The following SCML4 variants were observed in gnomAD, a reference collection of about 807,000 sequenced individuals.
SCML4 encodes the protein sex comb on midleg-like protein 4.
A neutral mutation model predicts 41.1 loss-of-function variants in SCML4; 34 were observed. The observed-to-expected ratio is 0.83, with a 90% CI of 0.63 to 1.10. The LOEUF is 1.10. SCML4 is among the 50% of genes least tolerant of loss of function. The pLI, the probability that SCML4 is intolerant of heterozygous loss-of-function variation, is 0.00. For missense variants in SCML4, 522 were observed against 534.1 expected (o/e 0.98, Z 0.22); for synonymous variants, 214 against 220.9 (o/e 0.97, Z 0.28).
intron 7 of SCML4, among the ~76,000 whole-genome samples, chr6:107,707,449 C>G (rs1166248607): frequency 6.6e-6 from 1 of 152,154 alleles, no homozygotes; most frequent in African/African-American, 2.4e-5. Flanking sequence ...GAAGGCTATC[C>G]GAGTCAGGAA....
intron 1 of SCML4, among the ~76,000 whole-genome samples, chr6:107,804,636 AGC>A (rs1783583852): frequency 3.6e-4 from 1 of 2,782 alleles, no homozygotes; most frequent in African/African-American, 4.0e-4. Context: ...TTCTCCTAGC[AGC>A]AGAGAATATT....
chr6:107,715,555 T>C (rs540862644), intron 6 of SCML4, among the ~76,000 whole-genome samples: 78 of 152,232 alleles, frequency 5.1e-4, no homozygotes, highest in African/African-American at 1.8e-3. Context: ...GCTTTTGTTA[T>C]CCAAAACCTC....
At chr6:107,772,460 T>C (rs1780600970) in intron 1 of SCML4, 74 bp from the exon 2 acceptor site, 2 of 840,870 alleles carry the variant, frequency 2.4e-6, no homozygotes, top group Admixed American at 6.4e-5. Flanking sequence ...AACATGATCC[T>C]GTCTGGTGAT....
intron 6 of SCML4, chr6:107,719,789 C>G (rs1214191175): frequency 1.7e-6 from 1 of 591,702 alleles, no homozygotes; most frequent in Non-Finnish European, 2.1e-6. Flanking sequence ...TTAAGACTTG[C>G]AAAAGGTAGG....
At chr6:107,797,110 C>T (rs541193050) in intron 1 of SCML4, among the ~76,000 whole-genome samples, 2 of 152,158 alleles carry the variant, frequency 1.3e-5, no homozygotes, top group Non-Finnish European at 2.9e-5. Context: ...TATAAATTCT[C>T]CAACTTTATT....
intron 2 of SCML4, among the ~76,000 whole-genome samples, chr6:107,758,004 T>C (rs187590008): frequency 1.3e-5 from 2 of 152,202 alleles, no homozygotes; most frequent in Admixed American, 6.5e-5. Context: ...GTGTTGCTTA[T>C]GTAATACCTA....
intron 1 of SCML4, among the ~76,000 whole-genome samples, chr6:107,791,243 C>T (rs1026831608): frequency 6.6e-6 from 1 of 152,112 alleles, no homozygotes; most frequent in African/African-American, 2.4e-5. Flanking sequence ...CAAAATGCCT[C>T]AGGACTATTT....
intron 6 of SCML4, among the ~76,000 whole-genome samples, chr6:107,708,430 C>T (rs558616578): frequency 2.6e-5 from 4 of 152,286 alleles, no homozygotes; most frequent in East Asian, 1.9e-4. Flanking sequence ...AAATGAGCCT[C>T]ATCGCGTCAG....
chr6:107,760,732 A>G (rs978662803), intron 2 of SCML4, among the ~76,000 whole-genome samples: 1 of 152,218 alleles, frequency 6.6e-6, no homozygotes, highest in Admixed American at 6.5e-5. Context: ...GCAAATAACT[A>G]AAGAAAGAAT....
chr6:107,845,517 C>CA, the SCML4 span, among the ~76,000 whole-genome samples: 1 of 152,148 alleles, frequency 6.6e-6, no homozygotes, highest in African/African-American at 2.4e-5. Flanking sequence ...TTTTTCTTTT[C>CA]AAACGAATGG....
At chr6:107,772,048 G>T in intron 2 of SCML4, 124 bp downstream of exon 2, 1 of 749,466 alleles carries the variant, frequency 1.3e-6, no homozygotes, top group Non-Finnish European at 2.1e-6. Flanking sequence ...ACCGAGGGAG[G>T]CTTATTTCTC....
chr6:107,742,464 C>G (rs1777671619), intron 5 of SCML4, among the ~76,000 whole-genome samples: 2 of 152,204 alleles, frequency 1.3e-5, no homozygotes, highest in Admixed American at 6.5e-5. Context: ...CAGATTTTAA[C>G]AAACAAAACT....
chr6:107,761,467 T>C (rs1779587648), intron 2 of SCML4, among the ~76,000 whole-genome samples: 1 of 151,542 alleles, frequency 6.6e-6, no homozygotes, highest in Non-Finnish European at 1.5e-5. Context: ...GACAGAGTCT[T>C]GCTCTGTCAC....
chr6:107,765,539 C>T (rs1034482612), intron 2 of SCML4, among the ~76,000 whole-genome samples: 1 of 152,184 alleles, frequency 6.6e-6, no homozygotes, highest in Non-Finnish European at 1.5e-5. Flanking sequence ...ACAGTATATA[C>T]ACTTACAAGT....
At chr6:107,774,952 G>A (rs1044863132) in intron 1 of SCML4, among the ~76,000 whole-genome samples, 3 of 151,080 alleles carry the variant, frequency 2.0e-5, no homozygotes, top group African/African-American at 7.3e-5. Context: ...CTAAGATCGC[G>A]CCACTGCACT....
the SCML4 span, among the ~76,000 whole-genome samples, chr6:107,839,955 T>C: frequency 6.6e-6 from 1 of 152,048 alleles, no homozygotes; most frequent in African/African-American, 2.4e-5. Context: ...TAATCACAAA[T>C]TAAAATAAAA....
At chr6:107,810,928 C>T (rs571943594) in intron 1 of SCML4, among the ~76,000 whole-genome samples, 5 of 152,180 alleles carry the variant, frequency 3.3e-5, no homozygotes, top group African/African-American at 1.2e-4. Context: ...CATGTGAACC[C>T]CCACTCCCTG....
intron 5 of SCML4, among the ~76,000 whole-genome samples, chr6:107,727,540 C>G (rs553359208): frequency 6.6e-6 from 1 of 151,278 alleles, no homozygotes; most frequent in Admixed American, 6.5e-5. Context: ...CCAGGACACA[C>G]ATAACCTAAG....
chr6:107,784,488 A>G (rs1044629309), intron 1 of SCML4, among the ~76,000 whole-genome samples: 1 of 152,264 alleles, frequency 6.6e-6, no homozygotes, highest in Non-Finnish European at 1.5e-5. Context: ...CTATACATGC[A>G]TGTATGCTTA....
Sources: allele counts gnomAD v4.1 joint callset (sites outside exome capture counted in the v4.1 genomes callset), GRCh38; gene constraint gnomAD v4.1.1; transcripts MANE v1.5; gene names NCBI Gene and HGNC (gene_info 2026-07-23, HGNC 2026-07-21).